PRORP: variants seen among roughly 807,000 people sequenced by gnomAD.
The protein encoded by PRORP is mitochondrial ribonuclease P catalytic subunit.
PRORP carries 51 observed loss-of-function variants against 59.4 expected under a neutral mutation model. The ratio of observed to expected loss-of-function variants is 0.86; its 90% CI spans 0.69 to 1.08. The LOEUF is 1.08. Ranked by LOEUF, PRORP falls within the 50% of genes least tolerant of loss-of-function variation. PRORP has a pLI of 0.00. For missense variants in PRORP, 646 were observed against 690.3 expected, an observed-to-expected ratio of 0.94 and a Z score of 0.72; for synonymous variants, 231 against 245.6, an observed-to-expected ratio of 0.94 and a Z score of 0.55.
Position 35,276,686 on chromosome 14 carries a change from T to C in PRORP, c.*3120T>C, listed in dbSNP as rs2051298672. On this transcript the variant is annotated 3_prime_UTR_variant, in exon 8 of 8. Coordinates refer to ENST00000534898, the MANE Select transcript of PRORP (RefSeq NM_014672.4). ...TCCTGGACACCACAAGAAGGAGGAA[T>C]TATTTTAAAAGCTGTACTCTTAAAT... The C allele has an allele frequency of 6.6e-6, 1 of 152,134 alleles. No homozygotes were observed. Among genetic ancestry groups the C allele is most frequent in the Non-Finnish European group, 1.5e-5 (1 of 68,030 alleles). The allele number at this position is 152,134 out of a possible 1,614,324, so 9.4% of individuals were successfully genotyped here.
At chr14:35,252,813 C>T (rs758839241) in intron 5 of PRORP, among the ~76,000 whole-genome samples, 37 of 152,182 alleles carry the variant, frequency 2.4e-4, no homozygotes, top group Non-Finnish European at 3.2e-4. Flanking sequence ...CACACACCTA[C>T]ACACAAACCA....
intron 2 of PRORP, among the ~76,000 whole-genome samples, chr14:35,125,242 A>G (rs2047070432): frequency 6.6e-6 from 1 of 152,138 alleles, no homozygotes; most frequent in Admixed American, 6.5e-5. Flanking sequence ...ATACGTAAGC[A>G]TTACAATGGA....
intron 5 of PRORP, among the ~76,000 whole-genome samples, chr14:35,192,916 C>T (rs1595279596): frequency 6.6e-6 from 1 of 151,752 alleles, no homozygotes; most frequent in Non-Finnish European, 1.5e-5. Context: ...ATCGCTTGAA[C>T]CCGGGAGCCA....
intron 4 of PRORP, among the ~76,000 whole-genome samples, chr14:35,154,024 G>A (rs935623972): frequency 1.1e-4 from 17 of 152,058 alleles, no homozygotes; most frequent in African/African-American, 3.6e-4. Context: ...CAGCACTTTC[G>A]TTCTTTTTCC....
chr14:35,146,928 C>A (rs566472541), intron 4 of PRORP, among the ~76,000 whole-genome samples: 15 of 152,066 alleles, frequency 9.9e-5, no homozygotes, highest in Non-Finnish European at 2.2e-4. Flanking sequence ...CCCATCTCTA[C>A]AAAAAAATTT....
intron 5 of PRORP, among the ~76,000 whole-genome samples, chr14:35,219,656 G>A (rs1468001152): frequency 6.6e-6 from 1 of 152,190 alleles, no homozygotes; most frequent in Non-Finnish European, 1.5e-5. Flanking sequence ...TCATGCATTG[G>A]TTAGAGATAG....
chr14:35,264,984 G>A (rs753966966), intron 5 of PRORP, among the ~76,000 whole-genome samples: 14 of 151,898 alleles, frequency 9.2e-5, no homozygotes, highest in Non-Finnish European at 1.2e-4. Context: ...GCAAGACTTC[G>A]TCTCAAAAAT....
rs776645614 is a variant in PRORP, at chr14:35,123,396, A to G, written c.151A>G (p.Met51Val). 22 of 1,614,102 alleles carry G rather than the reference A, an allele frequency of 1.4e-5. No individual in the cohort carries two copies. The East Asian group carries it at 3.3e-4, about 25-fold the overall frequency. Residue 51 changes from methionine (M) to valine (V), a missense_variant, in exon 2 of 8, where the codon ATG (methionine) becomes GTG (valine). Met to Val is a conservative substitution (Grantham distance 21). Transcript: ENST00000534898. ...GCAGAGGTTGTTTTCTCTTAAAACAATGTCTCCACAGAATACCAAAGCAAC... is the reference window on the plus strand; with the variant it reads ...GCAGAGGTTGTTTTCTCTTAAAACAGTGTCTCCACAGAATACCAAAGCAAC... ...NQQRLFSLKT[M>V]SPQNTKATNL...
intron 4 of PRORP, 64 bp from the exon 5 acceptor site, chr14:35,180,606 G>C: frequency 1.1e-6 from 1 of 891,970 alleles, no homozygotes; most frequent in Non-Finnish European, 1.8e-6. Flanking sequence ...GGTCACTGCA[G>C]TGTGTTTATA....
At position 35,275,002 on chromosome 14, in the gene PRORP, C is replaced by T. The variant is rs2051276554; in HGVS notation, c.*1436C>T. 6.6e-6 allele frequency: 1 copy of T among 151,882 alleles called. No homozygotes were observed. The highest frequency in any genetic ancestry group is 6.6e-5 in the Admixed American group (1 of 15,254). The allele number at this position is 151,882 out of a possible 1,614,324, so 9.4% of individuals were successfully genotyped here. A position where few individuals can be genotyped will look rare whatever the true frequency, so the allele number is the denominator to read the frequency against. On this transcript the variant is annotated 3_prime_UTR_variant, in exon 8 of 8. Transcript: ENST00000534898. ...TTTCTTTACGTATACATACTGTATT[C>T]AATATGCAAGAACAGGCAAAAACTA...
At position 35,123,252 on chromosome 14, in the gene PRORP, T is replaced by C; in HGVS notation, c.7T>C (p.Phe3Leu). 1 of 1,607,702 alleles carries C rather than the reference T, an allele frequency of 6.2e-7. No homozygotes were observed. Among genetic ancestry groups the C allele is most frequent in the South Asian group, 1.1e-5 (1 of 91,022 alleles). Residue 3 changes from phenylalanine to leucine, a missense_variant, in exon 2 of 8, where the codon TTC becomes CTC. Phe to Leu is a conservative substitution (Grantham distance 22). Transcript: ENST00000534898. MTFYLFGIRSFPK... is the reference protein window; with the variant it reads MTLYLFGIRSFPK... Reference sequence around the variant, plus strand: ...GTGCTGATCTCACTGCATAATGACTTTCTATTTGTTTGGTATTCGAAGCTT... The same window carrying C: ...GTGCTGATCTCACTGCATAATGACTCTCTATTTGTTTGGTATTCGAAGCTT...
chr14:35,132,629 A>G (rs2047273967), intron 4 of PRORP, among the ~76,000 whole-genome samples: 1 of 151,384 alleles, frequency 6.6e-6, no homozygotes, highest in Middle Eastern at 3.2e-3. Context: ...TACTAAAAAT[A>G]AAAAAAAATT....
At chr14:35,212,438 T>A (rs2049472604) in intron 5 of PRORP, among the ~76,000 whole-genome samples, 1 of 152,208 alleles carries the variant, frequency 6.6e-6, no homozygotes, top group Non-Finnish European at 1.5e-5. Flanking sequence ...AATAATAAGA[T>A]TTGAAAGTGT....
At chr14:35,230,446 G>A (rs2050048421) in intron 5 of PRORP, among the ~76,000 whole-genome samples, 1 of 152,190 alleles carries the variant, frequency 6.6e-6, no homozygotes, top group South Asian at 2.1e-4. Flanking sequence ...GGTCAATCAA[G>A]TATATCTTTG....
chr14:35,126,567 T>A (rs1292286328), intron 2 of PRORP, among the ~76,000 whole-genome samples, 168 bp from the exon 3 acceptor site: 1 of 152,160 alleles, frequency 6.6e-6, no homozygotes, highest in Non-Finnish European at 1.5e-5. Context: ...ACCAGCAGCT[T>A]CTTAACCCCA....
At chr14:35,149,530 A>T (rs961750508) in intron 4 of PRORP, among the ~76,000 whole-genome samples, 1 of 152,020 alleles carries the variant, frequency 6.6e-6, no homozygotes, top group African/African-American at 2.4e-5. Flanking sequence ...TTTTTATGTT[A>T]TGGGGATTGC....
chr14:35,261,985 A>G (rs937539745), intron 5 of PRORP, among the ~76,000 whole-genome samples: 1 of 152,096 alleles, frequency 6.6e-6, no homozygotes, highest in Non-Finnish European at 1.5e-5. Context: ...ATAGTTCAAG[A>G]TAGGCTTTTC....
intron 4 of PRORP, among the ~76,000 whole-genome samples, chr14:35,148,911 ATTTTTTTTTTT>A (rs1186320988): frequency 1.2e-5 from 1 of 82,840 alleles, no homozygotes; most frequent in Admixed American, 1.7e-4. Context: ...GCACTTTTTA[ATTTTTTTTTTT>A]TTTTTTTTTT....
At position 35,249,815 on chromosome 14, in the gene PRORP, C is replaced by T. The variant is rs570328751; in HGVS notation, c.1276-16912C>T. Reference sequence around the variant, plus strand: ...TAACTAAAGATACTGTCTTAAATATCATCATACATTTAAAATTAATTTGCT... The same window carrying T: ...TAACTAAAGATACTGTCTTAAATATTATCATACATTTAAAATTAATTTGCT... On this transcript the variant is annotated intron_variant, in intron 5 of 7. Coordinates refer to ENST00000534898, the MANE Select transcript of PRORP (RefSeq NM_014672.4). 3.9e-5 allele frequency among the ~76,000 whole-genome samples: 6 copies of T among 152,244 alleles called. No homozygotes were observed. The East Asian group carries it at 1.2e-3, about 29-fold the overall frequency.
Sources: gnomAD v4.1 joint callset for allele counts (sites outside exome capture counted in the v4.1 genomes callset) on GRCh38, gnomAD v4.1.1 for gene constraint, MANE v1.5 for transcripts, NCBI Gene and HGNC (gene_info 2026-07-23, HGNC 2026-07-21) for gene names.